Variants in HOMER2 observed in about 807,000 individuals in gnomAD.
The protein encoded by HOMER2 is homer scaffold protein 2, also known as homer protein homolog 2.
HOMER2 carries 27 observed loss-of-function variants against 47.0 expected under a neutral mutation model. That is an observed-to-expected ratio of 0.57 (90% CI 0.42 to 0.79). The LOEUF is 0.79. Among genes scored for constraint, HOMER2 ranks in the 30% least tolerant of loss-of-function variants. The pLI, the probability that HOMER2 is intolerant of heterozygous loss-of-function variation, is 0.00. For missense variants in HOMER2, 443 were observed against 435.0 expected (o/e 1.02, Z -0.16); for synonymous variants, 161 against 163.8 (o/e 0.98, Z 0.13).
At chr15:82,867,843 T>C (rs2052024857) in intron 3 of HOMER2, among the ~76,000 whole-genome samples, 2 of 152,184 alleles carry the variant, frequency 1.3e-5, no homozygotes, top group Admixed American at 1.3e-4. Context: ...AAGATGTTAA[T>C]TCCAGCATTG....
chr15:82,865,165 T>C (rs2051925013), intron 3 of HOMER2, among the ~76,000 whole-genome samples: 1 of 152,240 alleles, frequency 6.6e-6, no homozygotes, highest in South Asian at 2.1e-4. Context: ...CTGGCCTGTG[T>C]TGCAGGCCCT....
chr15:82,935,230 C>A (rs560314978), intron 1 of HOMER2, among the ~76,000 whole-genome samples: 2 of 152,300 alleles, frequency 1.3e-5, no homozygotes, highest in East Asian at 3.9e-4. Flanking sequence ...TCCACATAAC[C>A]CTGCTCCCCA....
At position 82,849,516 on chromosome 15, in the gene HOMER2, T is replaced by C. The variant is rs554512917; in HGVS notation, c.*199A>G. 1.6e-5 allele frequency: 9 copies of C among 579,472 alleles called. No homozygotes were observed. The East Asian group carries it at 2.3e-4, about 15-fold the overall frequency. 35.9% of individuals were successfully genotyped at this position (579,472 alleles called of 1,614,324 possible). A position where few individuals can be genotyped will look rare whatever the true frequency, so the allele number is the denominator to read the frequency against. On this transcript the variant is annotated 3_prime_UTR_variant, in exon 9 of 9. Transcript: ENST00000450735. ...TTCCTGAGTCAGAATCTTCCAGTTG[T>C]CCACAACCTCACAAGGCCAGAGAAG...
chr15:82,879,621 T>C (rs1289904487), intron 2 of HOMER2, among the ~76,000 whole-genome samples: 1 of 152,260 alleles, frequency 6.6e-6, no homozygotes, highest in East Asian at 1.9e-4. Flanking sequence ...CTAAGGACCA[T>C]CTGAACCTTC....
intron 1 of HOMER2, among the ~76,000 whole-genome samples, chr15:82,950,188 G>A (rs1157406233): frequency 6.6e-6 from 1 of 152,156 alleles, no homozygotes; most frequent in Non-Finnish European, 1.5e-5. Context: ...TGCCTAGGAA[G>A]GGGAGAGGTC....
chr15:82,894,396 GAT>G (rs2052831363), intron 1 of HOMER2, among the ~76,000 whole-genome samples: 2 of 152,064 alleles, frequency 1.3e-5, no homozygotes, highest in South Asian at 4.2e-4. Context: ...TTCAAAATAA[GAT>G]ACAAATAGAA....
At chr15:82,859,878 C>T (rs1256226590) in intron 4 of HOMER2, among the ~76,000 whole-genome samples, 1 of 151,366 alleles carries the variant, frequency 6.6e-6, no homozygotes, top group Non-Finnish European at 1.5e-5. Flanking sequence ...AAAAAAACAC[C>T]ATAAACAAAA....
intron 2 of HOMER2, among the ~76,000 whole-genome samples, chr15:82,889,911 G>A (rs1348104706): frequency 6.6e-6 from 1 of 152,166 alleles, no homozygotes; most frequent in Non-Finnish European, 1.5e-5. Context: ...CCCAATCCCT[G>A]AATGCCAACT....
chr15:82,880,429 A>G (rs1048592847), intron 2 of HOMER2, among the ~76,000 whole-genome samples: 1 of 152,164 alleles, frequency 6.6e-6, no homozygotes, highest in African/African-American at 2.4e-5. Flanking sequence ...GAGAGCATCT[A>G]ATTAGGGAAA....
chr15:82,895,200 C>T (rs1014845143), intron 1 of HOMER2, among the ~76,000 whole-genome samples: 2 of 152,240 alleles, frequency 1.3e-5, no homozygotes, highest in Non-Finnish European at 2.9e-5. Flanking sequence ...TCCCCTGGAG[C>T]AGGACAAGTG....
intron 1 of HOMER2, among the ~76,000 whole-genome samples, chr15:82,900,489 CTA>C (rs1221131411): frequency 6.6e-6 from 1 of 151,758 alleles, no homozygotes; most frequent in African/African-American, 2.4e-5. Context: ...CTGGAAAACT[CTA>C]TGTGAGGACA....
At chr15:82,936,597 G>C (rs180811244) in intron 1 of HOMER2, among the ~76,000 whole-genome samples, 1 of 152,128 alleles carries the variant, frequency 6.6e-6, no homozygotes, top group East Asian at 1.9e-4. Flanking sequence ...TTTTGAGACA[G>C]ACTCTTGCTC....
At chr15:82,890,345 A>AAAC (rs888809853) in intron 2 of HOMER2, among the ~76,000 whole-genome samples, 47 of 152,138 alleles carry the variant, frequency 3.1e-4, no homozygotes, top group Non-Finnish European at 6.2e-4. Context: ...CTGTCTCAAA[A>AAAC]AACAACAACA....
At chr15:82,870,966 A>G (rs2052156709) in intron 3 of HOMER2, among the ~76,000 whole-genome samples, 1 of 152,242 alleles carries the variant, frequency 6.6e-6, no homozygotes, top group African/African-American at 2.4e-5. Context: ...AATGCCAGAA[A>G]GAAACTAAAC....
At chr15:82,977,435 C>A (rs1214335591) in intron 1 of HOMER2, among the ~76,000 whole-genome samples, 2 of 152,184 alleles carry the variant, frequency 1.3e-5, no homozygotes, top group Non-Finnish European at 2.9e-5. Flanking sequence ...TCATATTTGC[C>A]AACTGCTTAA....
chr15:82,984,035 A>ATT (rs1314984974), intron 1 of HOMER2, among the ~76,000 whole-genome samples: 74 of 145,696 alleles, frequency 5.1e-4, no homozygotes, highest in African/African-American at 1.0e-3. Context: ...TATTATTATT[A>ATT]TTTTTTTTTT....
chr15:82,912,773 T>C (rs1189815582), intron 1 of HOMER2, among the ~76,000 whole-genome samples: 2 of 152,194 alleles, frequency 1.3e-5, no homozygotes, highest in South Asian at 2.1e-4. Flanking sequence ...CTTTTTGATA[T>C]AGCCATCCTA....
intron 1 of HOMER2, among the ~76,000 whole-genome samples, chr15:82,899,913 T>C (rs1465978723): frequency 1.3e-5 from 2 of 152,110 alleles, no homozygotes; most frequent in Admixed American, 1.3e-4. Context: ...TCCCAGCTAC[T>C]TGGGAGGCTG....
intron 1 of HOMER2, among the ~76,000 whole-genome samples, chr15:82,972,055 T>C (rs933416953): frequency 1.3e-5 from 2 of 152,246 alleles, no homozygotes; most frequent in Non-Finnish European, 2.9e-5. Flanking sequence ...AGGTATAATT[T>C]ACCTACCATA....
Sources: gnomAD v4.1 joint callset for allele counts (sites outside exome capture counted in the v4.1 genomes callset) on GRCh38, gnomAD v4.1.1 for gene constraint, MANE v1.5 for transcripts, NCBI Gene and HGNC (gene_info 2026-07-23, HGNC 2026-07-21) for gene names.